TUB: variants seen among roughly 807,000 people sequenced by gnomAD.
TUB encodes the protein TUB bipartite transcription factor, also known as tubby protein homolog.
A neutral mutation model predicts 59.7 loss-of-function variants in TUB; 33 were observed. The observed-to-expected ratio is 0.55, with a 90% CI of 0.42 to 0.74. The LOEUF is 0.74. TUB is among the 30% of genes least tolerant of loss of function. The pLI, the probability that TUB is intolerant of heterozygous loss-of-function variation, is 0.00. For missense variants in TUB, 659 were observed against 672.0 expected, an observed-to-expected ratio of 0.98 and a Z score of 0.21; for synonymous variants, 293 against 256.4, an observed-to-expected ratio of 1.14 and a Z score of -1.36.
chr11:8,020,542 C>G (rs1404395700), intron 1 of TUB, among the ~76,000 whole-genome samples: 1 of 152,222 alleles, frequency 6.6e-6, no homozygotes, highest in Non-Finnish European at 1.5e-5. Flanking sequence ...TCTCTTCAGC[C>G]TGTAAACTTA....
chr11:8,028,066 C>A (rs1942524278), intron 1 of TUB, among the ~76,000 whole-genome samples: 1 of 152,188 alleles, frequency 6.6e-6, no homozygotes, highest in African/African-American at 2.4e-5. Context: ...CAGCAATGTA[C>A]AAGGGTTCCC....
chr11:8,096,445 G>A (rs1943995848), intron 5 of TUB, among the ~76,000 whole-genome samples: 1 of 152,164 alleles, frequency 6.6e-6, no homozygotes, highest in Admixed American at 6.5e-5. Context: ...TATATCCTGA[G>A]GATTGTGGCC....
chr11:8,097,709 C>A lies in TUB; in HGVS notation c.886-5C>A. ...CTGGAATATGACCTCATTCCACTCC[C>A]CAAGGTGTTCCTCCTGGCGGGAAGG... On this transcript the variant is annotated splice_region_variant and splice_polypyrimidine_tract_variant and intron_variant, in intron 7 of 11. Transcript: ENST00000299506. 1 of 1,611,070 alleles carries A rather than the reference C, an allele frequency of 6.2e-7. No individual in the cohort carries two copies.
At chr11:8,059,488 A>G (rs1943081527) in intron 2 of TUB, among the ~76,000 whole-genome samples, 1 of 152,154 alleles carries the variant, frequency 6.6e-6, no homozygotes, top group South Asian at 2.1e-4. Flanking sequence ...CTCTTTTGGC[A>G]GGTCTGGGCA....
chr11:8,081,565 C>T lies in TUB; in HGVS notation c.38+17C>T. On this transcript the variant is annotated intron_variant, in intron 1 of 11. Transcript: ENST00000299506. ...TCCCTACAGGTACGCGGGCGCCGGG[C>T]CGGGGCGCCCACCACTCCCGACTCG... is the stretch of plus-strand genomic sequence containing the variant. 1.3e-6 allele frequency: 2 copies of T among 1,526,794 alleles called. No homozygotes were observed. The highest frequency in any genetic ancestry group is 1.8e-6 in the Non-Finnish European group (2 of 1,141,014). 94.6% of individuals were successfully genotyped at this position (1,526,794 alleles called of 1,614,324 possible).
At chr11:8,035,837 G>T (rs1942637533), upstream of TUB, 1 of 152,320 alleles carries the variant, frequency 6.6e-6, no homozygotes, top group South Asian at 2.1e-4. Context: ...TCCTCTAGGG[G>T]GAGGACAGCA....
At chr11:8,034,564 A>G (rs1365404755), upstream of TUB, among the ~76,000 whole-genome samples, 1 of 152,194 alleles carries the variant, frequency 6.6e-6, no homozygotes, top group Non-Finnish European at 1.5e-5. Context: ...CACCAGGGTA[A>G]TTATTGGTTT....
upstream of TUB, among the ~76,000 whole-genome samples, chr11:8,078,428 T>C (rs75622055): frequency 6.6e-6 from 1 of 152,162 alleles, no homozygotes; most frequent in East Asian, 1.9e-4. Flanking sequence ...TCGAGGGTCA[T>C]GGTTATAGTG....
Position 8,100,612 on chromosome 11 carries a change from A to T in TUB, c.1215+11A>T, listed in dbSNP as rs1362823113. On this transcript the variant is annotated intron_variant, in intron 10 of 11. Coordinates refer to ENST00000299506, the MANE Select transcript of TUB (RefSeq NM_177972.3). Reference sequence around the variant, plus strand: ...ATCCGCCCCCGCAACGTGAGTGTCTACCCCTTCCTCCCCTCTTTCCCCATC... The same window carrying T: ...ATCCGCCCCCGCAACGTGAGTGTCTTCCCCTTCCTCCCCTCTTTCCCCATC... The T allele has an allele frequency of 6.2e-7, 1 of 1,611,342 alleles. No homozygotes were observed. Among genetic ancestry groups the T allele is most frequent in the Non-Finnish European group, 8.5e-7 (1 of 1,177,862 alleles).
At chr11:8,058,157 A>G (rs1260172371) in intron 2 of TUB, among the ~76,000 whole-genome samples, 2 of 150,386 alleles carry the variant, frequency 1.3e-5, no homozygotes, top group East Asian at 3.9e-4. Context: ...GGCCACAGTG[A>G]GCCGAGATCA....
rs1944532647 is a variant in TUB, at chr11:8,105,578, C to CAAACCACATAATCTCTCTAGGTCCA, written c.*3960_*3984dup. 1 of 152,178 alleles carries CAAACCACATAATCTCTCTAGGTCCA rather than the reference C, an allele frequency of 6.6e-6. No homozygotes were observed. The highest frequency in any genetic ancestry group is 1.5e-5 in the Non-Finnish European group (1 of 68,036). The allele number at this position is 152,178 out of a possible 1,614,324, so 9.4% of individuals were successfully genotyped here. ...CACTTAGTAGCTATGTGATTTTGAG[C>CAAACCACATAATCTCTCTAGGTCCA]AAACCACATAATCTCTCTAGGTCCA... On this transcript the variant is annotated 3_prime_UTR_variant, in exon 12 of 12. Transcript: ENST00000299506.
chr11:8,060,039 C>T (rs1319301608), intron 2 of TUB: 1 of 152,424 alleles, frequency 6.6e-6, no homozygotes, highest in Non-Finnish European at 1.5e-5. Context: ...GGACTATGCA[C>T]ATTGCCAGAA....
At chr11:8,041,691 C>G (rs1236259672) in intron 2 of TUB, among the ~76,000 whole-genome samples, 1 of 152,196 alleles carries the variant, frequency 6.6e-6, no homozygotes, top group Non-Finnish European at 1.5e-5. Context: ...TCTCCTCACT[C>G]TGAATCAACT....
chr11:8,034,071 T>C (rs1357665833), upstream of TUB, among the ~76,000 whole-genome samples: 1 of 152,232 alleles, frequency 6.6e-6, no homozygotes, highest in African/African-American at 2.4e-5. Flanking sequence ...CTCTGGGGCC[T>C]ACTGTGGCCT....
At chr11:8,099,155 G>A (rs983943474) in intron 9 of TUB, among the ~76,000 whole-genome samples, 11 of 152,016 alleles carry the variant, frequency 7.2e-5, no homozygotes, top group African/African-American at 2.4e-4. Flanking sequence ...AGAAGGAGAC[G>A]GTCGCCCTGG....
intron 1 of TUB, among the ~76,000 whole-genome samples, chr11:8,087,696 G>C (rs572454703): frequency 6.6e-6 from 1 of 152,374 alleles, no homozygotes; most frequent in African/African-American, 2.4e-5. Flanking sequence ...GTTCGGGTCT[G>C]ACCCTTTCAA....
At chr11:8,097,653 C>T (rs765039675) in intron 7 of TUB, 61 bp from the exon 8 acceptor site, 195 of 1,469,510 alleles carry the variant, frequency 1.3e-4, no homozygotes, top group Non-Finnish European at 1.7e-4. Context: ...GTGAGTGGCT[C>T]TCATGACTGT....
intron 1 of TUB, among the ~76,000 whole-genome samples, chr11:8,024,030 CAT>C (rs1450457024): frequency 1.3e-5 from 2 of 152,224 alleles, no homozygotes; most frequent in Admixed American, 1.3e-4. Flanking sequence ...CTTCTAATCT[CAT>C]ACACATGAAT....
intron 1 of TUB, among the ~76,000 whole-genome samples, chr11:8,032,688 G>A (rs961285523): frequency 4.3e-5 from 2 of 47,050 alleles, no homozygotes; most frequent in Non-Finnish European, 6.8e-5. Context: ...TGCACCTCCC[G>A]CACATCTGGC....
Sources: allele counts gnomAD v4.1 joint callset (sites outside exome capture counted in the v4.1 genomes callset), GRCh38; gene constraint gnomAD v4.1.1; transcripts MANE v1.5; gene names NCBI Gene and HGNC (gene_info 2026-07-23, HGNC 2026-07-21).